The following ELFN1 variants were observed in gnomAD, a reference collection of about 807,000 sequenced individuals.
ELFN1 encodes the protein extracellular leucine rich repeat and fibronectin type III domain containing 1.
A neutral mutation model predicts 7.6 loss-of-function variants in ELFN1; 6 were observed. The ratio of observed to expected loss-of-function variants is 0.79; its 90% CI spans 0.43 to 1.56. The LOEUF (loss-of-function observed/expected upper bound fraction) is 1.56. Ranked by LOEUF, ELFN1 falls within the 40% of genes most tolerant of loss-of-function variation. The probability of loss-of-function intolerance (pLI) is 0.01; values close to 1 mark genes in which losing one functional copy is unlikely to be tolerated. For synonymous variants in ELFN1, 657 were observed against 588.1 expected, an observed-to-expected ratio of 1.12 and a Z score of -1.70; for missense variants, 1,169 against 1,232.2, an observed-to-expected ratio of 0.95 and a Z score of 0.77.
At chr7:1,682,559 G>T (rs1778992131) in intron 1 of ELFN1, among the ~76,000 whole-genome samples, 1 of 151,726 alleles carries the variant, frequency 6.6e-6, no homozygotes, top group South Asian at 2.1e-4. Context: ...CCTCACCACA[G>T]CCTCCCAAGT....
In ELFN1 at chr7:1,726,124, T is replaced by C. The variant is rs73278905; in HGVS notation, c.-294+16872T>C. Among the ~76,000 whole-genome samples the C allele has an allele frequency of 3.9e-3, 588 of 152,178 alleles. 7 individuals are homozygous for C. Among genetic ancestry groups the C allele is most frequent in the African/African-American group, 0.013 (551 of 41,494 alleles). ...ACACGCACTATTCTCTCCCAGGGCCTAGTGGGTCTTCGGCTGGAGAACGCA... is the reference window on the plus strand; with the variant it reads ...ACACGCACTATTCTCTCCCAGGGCCCAGTGGGTCTTCGGCTGGAGAACGCA... On this transcript the variant is annotated intron_variant, in intron 3 of 3. Transcript: ENST00000424383.
Position 1,739,885 on chromosome 7 carries a change from C to T in ELFN1, c.-293-4419C>T, listed in dbSNP as rs891633420. On this transcript the variant is annotated intron_variant, in intron 3 of 3. Transcript: ENST00000424383. The surrounding 1 kb of genome is among the most constrained non-coding windows in gnomAD (Gnocchi z 4.6). ...GAGGGAGGGGGATGGAAACTGCTGG[C>T]GATCCTTCCAAGAAAACCTGCTGCA... Among the ~76,000 whole-genome samples, 1 of 152,252 alleles carries T rather than the reference C, an allele frequency of 6.6e-6. No homozygotes were observed. Among genetic ancestry groups the T allele is most frequent in the Admixed American group, 6.5e-5 (1 of 15,288 alleles).
At chr7:1,688,876 C>G (rs1391449874) in intron 2 of ELFN1, among the ~76,000 whole-genome samples, 1 of 152,210 alleles carries the variant, frequency 6.6e-6, no homozygotes, top group Admixed American at 6.5e-5. Context: ...GACCTCTGGT[C>G]ACTGCTAATC....
upstream of ELFN1, among the ~76,000 whole-genome samples, chr7:1,669,293 G>T (rs1194901046): frequency 6.6e-6 from 1 of 152,220 alleles, no homozygotes; most frequent in Non-Finnish European, 1.5e-5. Flanking sequence ...AGCGGAGAGC[G>T]TGCCGGGGGT....
chr7:1,668,375 G>C (rs1449116288), upstream of ELFN1, among the ~76,000 whole-genome samples: 10 of 152,256 alleles, frequency 6.6e-5, 1 homozygote, highest in Admixed American at 6.5e-4. Context: ...GAAGGCAAAG[G>C]AGGCTCATTC....
At chr7:1,708,088 G>A (rs921090004) in intron 2 of ELFN1, among the ~76,000 whole-genome samples, 1 of 152,072 alleles carries the variant, frequency 6.6e-6, no homozygotes, top group African/African-American at 2.4e-5. Context: ...TACCTCCTCT[G>A]GTCCCTGCAC....
intron 3 of ELFN1, among the ~76,000 whole-genome samples, chr7:1,722,342 C>G (rs528046585): frequency 6.6e-6 from 1 of 150,792 alleles, no homozygotes; most frequent in Non-Finnish European, 1.5e-5. Flanking sequence ...TCTCGGCTCA[C>G]TGCAACCTCC....
chr7:1,739,127 C>A lies in ELFN1; in HGVS notation c.-293-5177C>A, dbSNP rs148060329. 369 of 152,256 alleles carry A rather than the reference C, an allele frequency of 2.4e-3. 6 individuals are homozygous for A. The East Asian group carries it at 0.028, about 12-fold the overall frequency. The allele number at this position is 152,256 out of a possible 1,614,324, so 9.4% of individuals were successfully genotyped here. A position where few individuals can be genotyped will look rare whatever the true frequency, so the allele number is the denominator to read the frequency against. Reference sequence around the variant, plus strand: ...TGTCTGGAGGCCGGATTCTCCTCCACGCGTGGAGGACTGGACGCCCTCAGG... The same window carrying A: ...TGTCTGGAGGCCGGATTCTCCTCCAAGCGTGGAGGACTGGACGCCCTCAGG... On this transcript the variant is annotated intron_variant, in intron 3 of 3. Transcript: ENST00000424383. This position sits in a 1 kb window ranked among gnomAD's most constrained non-coding sequence, Gnocchi z 4.6.
upstream of ELFN1, among the ~76,000 whole-genome samples, chr7:1,668,948 C>T (rs1778711269): frequency 6.6e-6 from 1 of 152,210 alleles, no homozygotes; most frequent in African/African-American, 2.4e-5. Context: ...CACTCCCCTT[C>T]AAGGCTCTGC....
chr7:1,689,470 A>G (rs1779116773), intron 2 of ELFN1, among the ~76,000 whole-genome samples: 1 of 152,194 alleles, frequency 6.6e-6, no homozygotes, highest in Non-Finnish European at 1.5e-5. Flanking sequence ...AGGAACCATG[A>G]ATACATTTCT....
Position 1,747,876 on chromosome 7 carries a change from T to C in ELFN1, c.*793T>C, listed in dbSNP as rs1463181003. ...TAAAATGAGAAAGAAAAAAAGACTA[T>C]GTCTACTAAAAAAAAAAAAAAAAAG... On this transcript the variant is annotated 3_prime_UTR_variant, in exon 4 of 4. Transcript: ENST00000424383. 2.6e-5 allele frequency: 3 copies of C among 117,550 alleles called. No homozygotes were observed. In the Admixed American group the frequency reaches 3.2e-4, roughly 13 times the overall value. The allele number at this position is 117,550 out of a possible 1,614,324, so 7.3% of individuals were successfully genotyped here. A position where few individuals can be genotyped will look rare whatever the true frequency, so the allele number is the denominator to read the frequency against.
chr7:1,724,380 C>T (rs1033328897), intron 3 of ELFN1, among the ~76,000 whole-genome samples: 2 of 152,176 alleles, frequency 1.3e-5, no homozygotes, highest in African/African-American at 2.4e-5. Flanking sequence ...CTTGAACTTG[C>T]TCTTGGTCTT....
At chr7:1,736,227 C>T (rs1047796614) in intron 3 of ELFN1, among the ~76,000 whole-genome samples, 9 of 152,152 alleles carry the variant, frequency 5.9e-5, no homozygotes, top group Non-Finnish European at 1.0e-4. Context: ...AACATTGGAA[C>T]GATGAAAAGT....
intron 2 of ELFN1, chr7:1,692,989 G>T (rs961807221): frequency 2.3e-5 from 6 of 256,368 alleles, no homozygotes; most frequent in South Asian, 1.6e-4. Context: ...TGTGCTGGCC[G>T]GGCTGTTACT....
rs893260629 is a variant in ELFN1, at chr7:1,693,824, C to T, written c.-456+5674C>T. On this transcript the variant is annotated intron_variant, in intron 2 of 3. Transcript: ENST00000424383. ...CACGTGGGATGGGCCTCCCCAGGGA[C>T]GGCTGGGCCAATCGGGGTTCCTGGG... The T allele has an allele frequency of 3.6e-5, 17 of 466,488 alleles. No homozygotes were observed. The East Asian group carries it at 4.2e-4, about 12-fold the overall frequency. 28.9% of individuals were successfully genotyped at this position (466,488 alleles called of 1,614,324 possible).
intron 3 of ELFN1, 54 bp from the exon 4 acceptor site, chr7:1,744,242 CGTCCCCTG>C (rs1562389930): frequency 1.0e-5 from 3 of 297,050 alleles, no homozygotes; most frequent in South Asian, 1.0e-4. Context: ...AGATGCCGGC[CGTCCCCTG>C]ACCGCTGTCT....
chr7:1,707,599 CG>C (rs1166990584), intron 2 of ELFN1, among the ~76,000 whole-genome samples: 1 of 152,210 alleles, frequency 6.6e-6, no homozygotes, highest in Non-Finnish European at 1.5e-5. Flanking sequence ...TGGGGCAGAG[CG>C]GGTGTGGGCC....
chr7:1,676,695 G>C (rs1368314693), intron 1 of ELFN1, among the ~76,000 whole-genome samples: 1 of 152,242 alleles, frequency 6.6e-6, no homozygotes, highest in Non-Finnish European at 1.5e-5. Context: ...TGCTGGGGAA[G>C]GGAGAGCAGG....
Position 1,670,532 on chromosome 7 carries a change from G to T in ELFN1, c.-549+178G>T, listed in dbSNP as rs529325078. 1.3e-5 allele frequency among the ~76,000 whole-genome samples: 2 copies of T among 151,922 alleles called. No homozygotes were observed. The highest frequency in any genetic ancestry group is 1.3e-4 in the Admixed American group (2 of 15,272). On this transcript the variant is annotated intron_variant, in intron 1 of 3. Transcript: ENST00000424383. This position sits in a 1 kb window ranked among gnomAD's most constrained non-coding sequence, Gnocchi z 6.4. Reference sequence around the variant, plus strand: ...CTGGCGCGCGATCCGAGCGCAGCGGGCAAAGTTGGAGGAACTTGGCGGCGG... The same window carrying T: ...CTGGCGCGCGATCCGAGCGCAGCGGTCAAAGTTGGAGGAACTTGGCGGCGG...
Sources: gnomAD v4.1 joint callset for allele counts (sites outside exome capture counted in the v4.1 genomes callset) on GRCh38, gnomAD v4.1.1 for gene constraint, Gnocchi (gnomAD v3.1) non-coding constraint, MANE v1.5 for transcripts, NCBI Gene and HGNC (gene_info 2026-07-23, HGNC 2026-07-21) for gene names.